Variants in NCKAP5 observed in about 807,000 individuals in gnomAD.
NCKAP5 encodes nck-associated protein 5.
Under a neutral mutation model 167.0 loss-of-function variants are expected in NCKAP5, and 92 were observed. The ratio of observed to expected loss-of-function variants is 0.55; its 90% CI spans 0.47 to 0.66. NCKAP5 has a LOEUF of 0.66. Ranked by LOEUF, NCKAP5 falls within the 30% of genes least tolerant of loss-of-function variation. The pLI, the probability that NCKAP5 is intolerant of heterozygous loss-of-function variation, is 0.00. For missense variants in NCKAP5, 2,378 were observed against 2,315.0 expected (o/e 1.03, Z -0.56); for synonymous variants, 891 against 877.4 (o/e 1.02, Z -0.27).
chr2:133,088,961 C>T (rs756394694), intron 6 of NCKAP5, among the ~76,000 whole-genome samples: 3 of 152,026 alleles, frequency 2.0e-5, no homozygotes, highest in Non-Finnish European at 2.9e-5. Context: ...ATAAAACAGA[C>T]CAGACTTATC....
At chr2:133,438,363 C>T (rs1156854557) in intron 3 of NCKAP5, among the ~76,000 whole-genome samples, 2 of 152,172 alleles carry the variant, frequency 1.3e-5, no homozygotes, top group Admixed American at 1.3e-4. Context: ...TGAGGCAGAA[C>T]TCATTGAAAC....
intron 19 of NCKAP5, among the ~76,000 whole-genome samples, chr2:132,718,214 A>C (rs1222431928): frequency 6.6e-6 from 1 of 152,172 alleles, no homozygotes; most frequent in African/African-American, 2.4e-5. Flanking sequence ...AAACCAAATA[A>C]ACTAGTGTAG....
At chr2:133,637,718 C>T in the NCKAP5 span, among the ~76,000 whole-genome samples, 1 of 151,800 alleles carries the variant, frequency 6.6e-6, no homozygotes, top group South Asian at 2.1e-4. Flanking sequence ...GAACCAATGA[C>T]ATGAAAATAT....
the NCKAP5 span, among the ~76,000 whole-genome samples, chr2:133,576,000 A>G: frequency 1.3e-5 from 2 of 152,250 alleles, no homozygotes; most frequent in Non-Finnish European, 2.9e-5. Flanking sequence ...CCATGCTAGC[A>G]TGGTGCTAGC....
intron 5 of NCKAP5, among the ~76,000 whole-genome samples, chr2:133,160,102 A>G (rs1032282202): frequency 1.3e-5 from 2 of 152,232 alleles, no homozygotes; most frequent in Non-Finnish European, 2.9e-5. Flanking sequence ...GTAACAAAGT[A>G]ACACAAACTG....
the NCKAP5 span, among the ~76,000 whole-genome samples, chr2:133,601,010 CGTAA>C: frequency 6.6e-5 from 10 of 152,234 alleles, no homozygotes; most frequent in African/African-American, 2.2e-4. Context: ...TGTTTTCTCA[CGTAA>C]GTTCCTACTT....
At chr2:133,272,228 C>T (rs1342611560) in intron 4 of NCKAP5, among the ~76,000 whole-genome samples, 1 of 146,636 alleles carries the variant, frequency 6.8e-6, no homozygotes, top group Admixed American at 7.0e-5. Context: ...CCAAACAAAA[C>T]AGAACAAAAA....
At chr2:132,695,032 C>A (rs1005084856) in intron 19 of NCKAP5, among the ~76,000 whole-genome samples, 1 of 152,144 alleles carries the variant, frequency 6.6e-6, no homozygotes. Flanking sequence ...TATGTCTTCA[C>A]ATGGTAGAAG....
chr2:133,075,258 C>G (rs1238589715), intron 6 of NCKAP5, among the ~76,000 whole-genome samples: 2 of 152,016 alleles, frequency 1.3e-5, no homozygotes, highest in Non-Finnish European at 2.9e-5. Context: ...AATTTTAAAT[C>G]CAGTAAAACT....
intron 4 of NCKAP5, among the ~76,000 whole-genome samples, chr2:133,256,641 A>G (rs2088633217): frequency 6.6e-6 from 1 of 152,184 alleles, no homozygotes; most frequent in African/African-American, 2.4e-5. Flanking sequence ...CCTAATTAGA[A>G]AATGAATGTG....
intron 7 of NCKAP5, among the ~76,000 whole-genome samples, chr2:132,987,066 G>C (rs2077310230): frequency 6.6e-6 from 1 of 152,142 alleles, no homozygotes; most frequent in African/African-American, 2.4e-5. Context: ...AAGTGAAAAT[G>C]CTATATAAAC....
the NCKAP5 span, among the ~76,000 whole-genome samples, chr2:133,595,595 ACTTTC>A: frequency 2.6e-5 from 4 of 152,006 alleles, no homozygotes; most frequent in South Asian, 8.3e-4. Flanking sequence ...CAGAGCCTGG[ACTTTC>A]CTCTGGGGTC....
chr2:133,648,992 C>T, the NCKAP5 span, among the ~76,000 whole-genome samples: 20 of 151,634 alleles, frequency 1.3e-4, no homozygotes, highest in Admixed American at 1.3e-3. Context: ...AATTGACAAA[C>T]CCTTAGATAC....
At chr2:133,468,434 T>C (rs1692769937) in intron 3 of NCKAP5, among the ~76,000 whole-genome samples, 1 of 150,778 alleles carries the variant, frequency 6.6e-6, no homozygotes. Context: ...CTTCCAAGTA[T>C]GTGGTCAATT....
intron 2 of NCKAP5, among the ~76,000 whole-genome samples, chr2:133,518,417 C>T (rs1213531728): frequency 1.8e-5 from 2 of 112,666 alleles, no homozygotes; most frequent in African/African-American, 6.0e-5. Flanking sequence ...TACAGTGGCA[C>T]GATCTCAGCT....
rs577834345 is a variant in NCKAP5 at position 132,986,642 on chromosome 2, A to G, written c.429+7510T>C. On this transcript the variant is annotated intron_variant, in intron 7 of 19. Coordinates refer to ENST00000409261, the MANE Select transcript of NCKAP5 (RefSeq NM_207363.3). ...TTTGGCAAATATACATTTTATACTA[A>G]AGATATTGCTATTTAAAGGAGATTT... is the stretch of plus-strand genomic sequence containing the variant. Among the ~76,000 whole-genome samples, 4 of 152,346 alleles carry G rather than the reference A, an allele frequency of 2.6e-5. No individual in the cohort carries two copies. The East Asian group carries it at 7.7e-4, about 29-fold the overall frequency.
At chr2:133,388,682 A>C (rs1224039848) in intron 3 of NCKAP5, among the ~76,000 whole-genome samples, 2 of 152,164 alleles carry the variant, frequency 1.3e-5, no homozygotes, top group African/African-American at 2.4e-5. Flanking sequence ...GGTGGGATCC[A>C]CCCAGTCCAA....
At chr2:133,448,210 G>A (rs1289065676) in intron 3 of NCKAP5, among the ~76,000 whole-genome samples, 1 of 150,120 alleles carries the variant, frequency 6.7e-6, no homozygotes, top group African/African-American at 2.5e-5. Context: ...TCTCCCCTTT[G>A]TCAACCTTCT....
At chr2:132,789,657 C>T (rs1449280268) in intron 13 of NCKAP5, among the ~76,000 whole-genome samples, 2 of 152,156 alleles carry the variant, frequency 1.3e-5, no homozygotes, top group South Asian at 2.1e-4. Context: ...TGTACAAAGA[C>T]GTCTGCTCAA....
Sources: allele counts gnomAD v4.1 joint callset (sites outside exome capture counted in the v4.1 genomes callset), GRCh38; gene constraint gnomAD v4.1.1; transcripts MANE v1.5; gene names NCBI Gene and HGNC (gene_info 2026-07-23, HGNC 2026-07-21).